The following PDE1C variants were observed in gnomAD, a reference collection of about 807,000 sequenced individuals.
The protein encoded by PDE1C is phosphodiesterase 1C.
A neutral mutation model predicts 93.1 loss-of-function variants in PDE1C; 62 were observed. The observed-to-expected ratio is 0.67, with a 90% CI of 0.54 to 0.82. The LOEUF (loss-of-function observed/expected upper bound fraction) is 0.82, where lower values mean the gene tolerates loss of function less well. PDE1C is among the 40% of genes least tolerant of loss of function. PDE1C has a pLI of 0.00. For synonymous variants in PDE1C, 325 were observed against 310.1 expected, an observed-to-expected ratio of 1.05 and a Z score of -0.50; for missense variants, 742 against 884.6, an observed-to-expected ratio of 0.84 and a Z score of 2.04.
At chr7:31,622,383 A>G in the PDE1C span, among the ~76,000 whole-genome samples, 1 of 152,178 alleles carries the variant, frequency 6.6e-6, no homozygotes, top group South Asian at 2.1e-4. Context: ...CAAATGTAAA[A>G]GAACAGAAAT....
chr7:32,155,698 T>C (rs754833487), intron 3 of PDE1C, among the ~76,000 whole-genome samples: 4 of 152,246 alleles, frequency 2.6e-5, no homozygotes, highest in Non-Finnish European at 5.9e-5. Flanking sequence ...GCTCACCGCA[T>C]GCATGCCTCC....
At chr7:32,306,819 A>T (rs1813016304) in intron 1 of PDE1C, among the ~76,000 whole-genome samples, 1 of 152,192 alleles carries the variant, frequency 6.6e-6, no homozygotes, top group Non-Finnish European at 1.5e-5. Flanking sequence ...ATACAAGAGG[A>T]CTTAGGAAGT....
chr7:31,673,873 G>A, the PDE1C span, among the ~76,000 whole-genome samples: 6 of 152,130 alleles, frequency 3.9e-5, no homozygotes, highest in African/African-American at 1.4e-4. Flanking sequence ...CTGATAAAAT[G>A]CCTTTCAGAT....
At chr7:31,661,802 T>G in the PDE1C span, among the ~76,000 whole-genome samples, 923 of 152,288 alleles carry the variant, frequency 6.1e-3, 9 homozygotes, top group African/African-American at 0.021. Context: ...ACTTCCCATC[T>G]TTCTTCATTA....
Position 31,878,521 on chromosome 7 carries a change from ATATC to A in PDE1C, c.425+471_425+474del, listed in dbSNP as rs76284323. On this transcript the variant is annotated intron_variant, in intron 4 of 17. Transcript: ENST00000396191. ...ACACTATAAGGATTATAGGAAGAAT[ATATC>A]TATTTCTGGAATCTATTGCTGGGTA... is the stretch of plus-strand genomic sequence containing the variant. Among the ~76,000 whole-genome samples the A allele has an allele frequency of 6.0e-3, 921 of 152,320 alleles. 16 individuals carry two copies. In the East Asian group the frequency reaches 0.073, roughly 12 times the overall value.
chr7:31,986,968 A>T (rs960941604), intron 2 of PDE1C, among the ~76,000 whole-genome samples: 1 of 151,914 alleles, frequency 6.6e-6, no homozygotes, highest in Non-Finnish European at 1.5e-5. Context: ...ACACACACAA[A>T]ACTAGGAAGA....
At chr7:31,794,172 T>G (rs1356576751) in intron 16 of PDE1C, among the ~76,000 whole-genome samples, 3 of 151,830 alleles carry the variant, frequency 2.0e-5, no homozygotes, top group Admixed American at 2.0e-4. Flanking sequence ...TTTGTGGGAA[T>G]GTAACTTCTT....
At chr7:32,395,815 T>C (rs1337903834) in intron 1 of PDE1C, among the ~76,000 whole-genome samples, 1 of 152,232 alleles carries the variant, frequency 6.6e-6, no homozygotes, top group Non-Finnish European at 1.5e-5. Context: ...AAAAGCATTC[T>C]CAGGAAAACC....
At chr7:31,701,633 C>G in the PDE1C span, among the ~76,000 whole-genome samples, 44 of 152,312 alleles carry the variant, frequency 2.9e-4, no homozygotes, top group African/African-American at 1.0e-3. Flanking sequence ...CTAGAGCAAA[C>G]TCTATTGTTA....
At chr7:32,262,709 G>A (rs1810298129) in intron 1 of PDE1C, among the ~76,000 whole-genome samples, 1 of 152,188 alleles carries the variant, frequency 6.6e-6, no homozygotes, top group Non-Finnish European at 1.5e-5. Flanking sequence ...CTGATTCCTA[G>A]GACATCTGTG....
the PDE1C span, among the ~76,000 whole-genome samples, chr7:31,665,939 C>T: frequency 6.6e-6 from 1 of 152,214 alleles, no homozygotes; most frequent in South Asian, 2.1e-4. Context: ...GATAAGATTC[C>T]TTCCCTGCCA....
intron 3 of PDE1C, among the ~76,000 whole-genome samples, chr7:32,084,712 T>A (rs1194441360): frequency 7.8e-6 from 1 of 128,820 alleles, no homozygotes; most frequent in Non-Finnish European, 1.8e-5. Context: ...TCAAAACCAC[T>A]CAACTACATG....
At chr7:31,730,254 C>T in the PDE1C span, among the ~76,000 whole-genome samples, 2 of 152,196 alleles carry the variant, frequency 1.3e-5, no homozygotes, top group African/African-American at 4.8e-5. Flanking sequence ...GACACACACA[C>T]TCACATACCC....
In PDE1C at chr7:31,870,844, C is replaced by T. The variant is rs1462599934; in HGVS notation, c.609+2448G>A. On this transcript the variant is annotated intron_variant, in intron 6 of 17. Coordinates refer to ENST00000396191, the MANE Select transcript of PDE1C (RefSeq NM_001191057.4). ...CAGGCCACTATCCTTGATCACACTA[C>T]ATAAATTCAAAATATGTTACAAGGC... Among the ~76,000 whole-genome samples the T allele has an allele frequency of 2.6e-5, 4 of 151,868 alleles. No individual in the cohort carries two copies. In the East Asian group the frequency reaches 7.7e-4, roughly 29 times the overall value.
chr7:31,823,381 T>C (rs1789243102), intron 13 of PDE1C, 133 bp from the exon 14 acceptor site: 1 of 641,518 alleles, frequency 1.6e-6, no homozygotes, highest in African/African-American at 1.9e-5. Context: ...CTGAGGTTTA[T>C]AATTATTCTA....
intron 2 of PDE1C, among the ~76,000 whole-genome samples, chr7:32,017,354 G>A (rs1346479025): frequency 6.6e-6 from 1 of 151,976 alleles, no homozygotes; most frequent in Admixed American, 6.6e-5. Flanking sequence ...AACTCAAAAT[G>A]GATCATAGAT....
rs1254765500 is a variant in PDE1C, at chr7:31,884,378, G to C, written c.129-3518C>G. ...ATTCAAAAAAAACCCATAGATCTCTGAAACAAAGGTAAAAGCCCAAATCAA... is the reference window on the plus strand; with the variant it reads ...ATTCAAAAAAAACCCATAGATCTCTCAAACAAAGGTAAAAGCCCAAATCAA... On this transcript the variant is annotated intron_variant, in intron 2 of 17. Coordinates refer to ENST00000396191, the MANE Select transcript of PDE1C (RefSeq NM_001191057.4). Among the ~76,000 whole-genome samples, 3 of 151,986 alleles carry C rather than the reference G, an allele frequency of 2.0e-5. No individual in the cohort carries two copies. In the East Asian group the frequency reaches 5.8e-4, roughly 29 times the overall value.
At chr7:32,204,420 A>G (rs916383500) in intron 2 of PDE1C, among the ~76,000 whole-genome samples, 3 of 152,352 alleles carry the variant, frequency 2.0e-5, no homozygotes, top group South Asian at 4.1e-4. Flanking sequence ...GAAAGCAACC[A>G]GAACTCCAGC....
intron 1 of PDE1C, among the ~76,000 whole-genome samples, chr7:32,212,271 A>G (rs1256663918): frequency 6.6e-6 from 1 of 152,108 alleles, no homozygotes; most frequent in Non-Finnish European, 1.5e-5. Context: ...TTTCACACGC[A>G]GCAATAGCCA....
Sources: gnomAD v4.1 joint callset for allele counts (sites outside exome capture counted in the v4.1 genomes callset) on GRCh38, gnomAD v4.1.1 for gene constraint, MANE v1.5 for transcripts, NCBI Gene and HGNC (gene_info 2026-07-23, HGNC 2026-07-21) for gene names.